SEC23IP: variants seen among roughly 807,000 people sequenced by gnomAD.
The protein encoded by SEC23IP is SEC23-interacting protein.
Under a neutral mutation model 113.4 loss-of-function variants are expected in SEC23IP, and 70 were observed. The ratio of observed to expected loss-of-function variants is 0.62; its 90% CI spans 0.51 to 0.75. The LOEUF (loss-of-function observed/expected upper bound fraction) is 0.75, where lower values mean the gene tolerates loss of function less well. SEC23IP is among the 30% of genes least tolerant of loss of function. The probability of loss-of-function intolerance (pLI) is 0.00; values close to 1 mark genes in which losing one functional copy is unlikely to be tolerated. For missense variants in SEC23IP, 1,160 were observed against 1,204.9 expected (o/e 0.96, Z 0.55); for synonymous variants, 398 against 421.0 (o/e 0.95, Z 0.67).
Position 119,917,867 on chromosome 10 carries a change from G to A in SEC23IP, c.1576G>A (p.Gly526Ser), listed in dbSNP as rs751766476. The A allele has an allele frequency of 9.3e-6, 15 of 1,613,618 alleles. No homozygotes were observed. Among genetic ancestry groups the A allele is most frequent in the Non-Finnish European group, 1.2e-5 (14 of 1,179,874 alleles). ...NIKKITLPSI[G>S]RFRHFTNETL... ...TAAGAAAATCACTTTGCCAAGTATT[G>A]GTCGATTTCGTCACTTTACCAATGA... Residue 526 changes from glycine (G) to serine (S), a missense_variant, in exon 9 of 19, where the codon GGT (glycine) becomes AGT (serine). Transcript: ENST00000369075.
chr10:119,922,789 C>T (rs1033094065), intron 12 of SEC23IP, among the ~76,000 whole-genome samples: 7 of 152,042 alleles, frequency 4.6e-5, no homozygotes, highest in African/African-American at 1.7e-4. Flanking sequence ...TGTGTTGAAT[C>T]GTTCTGTAAT....
chr10:119,932,617 A>G (rs1405410916), intron 16 of SEC23IP, among the ~76,000 whole-genome samples: 1 of 152,198 alleles, frequency 6.6e-6, no homozygotes, highest in Non-Finnish European at 1.5e-5. Context: ...AATTTGTTTT[A>G]GGGTTTGCAT....
At chr10:119,909,335 A>C (rs1238889184) in intron 5 of SEC23IP, among the ~76,000 whole-genome samples, 2 of 152,190 alleles carry the variant, frequency 1.3e-5, no homozygotes, top group Admixed American at 6.5e-5. Flanking sequence ...CAAAAACACA[A>C]ATTTTTCGTA....
In SEC23IP at chr10:119,941,766, G is replaced by A. The variant is rs548076985; in HGVS notation, c.*1201G>A. The A allele has an allele frequency of 9.8e-5, 15 of 152,744 alleles. No individual in the cohort carries two copies. In the South Asian group the frequency reaches 2.9e-3, roughly 30 times the overall value. The allele number at this position is 152,744 out of a possible 1,614,324, so 9.5% of individuals were successfully genotyped here. On this transcript the variant is annotated 3_prime_UTR_variant, in exon 19 of 19. Transcript: ENST00000369075. ...TGTATTTCTCTTGTCTTCCTTAAAA[G>A]TGTCCCCATGAACTCAGTGTTTATT...
At chr10:119,900,781 A>C (rs1854464475) in intron 2 of SEC23IP, among the ~76,000 whole-genome samples, 1 of 152,082 alleles carries the variant, frequency 6.6e-6, no homozygotes, top group African/African-American at 2.4e-5. Flanking sequence ...CTAATTAAAA[A>C]ATTTTAAAAT....
In SEC23IP at chr10:119,942,275, A is replaced by G. The variant is rs1433043118; in HGVS notation, c.*1710A>G. 6.6e-6 allele frequency: 1 copy of G among 152,182 alleles called. No individual in the cohort carries two copies. The highest frequency in any genetic ancestry group is 1.5e-5 in the Non-Finnish European group (1 of 68,034). 9.4% of individuals were successfully genotyped at this position (152,182 alleles called of 1,614,324 possible). A position where few individuals can be genotyped will look rare whatever the true frequency, so the allele number is the denominator to read the frequency against. The stretch of plus-strand genomic sequence containing the variant: ...TGCCCTTTCATTTTAATACTTGAGT[A>G]CACAGAAAATAGAATTTTTGAGTGA... On this transcript the variant is annotated 3_prime_UTR_variant, in exon 19 of 19. Transcript: ENST00000369075.
At position 119,900,659 on chromosome 10, in the gene SEC23IP, C is replaced by G. The variant is rs945761342; in HGVS notation, c.696+1700C>G. ...CCAGGTTGGAATGCAGTGGCGCAAT[C>G]ACAGCTCACCTGCAGTCTCAAACTC... On this transcript the variant is annotated intron_variant, in intron 2 of 18. Coordinates refer to ENST00000369075, the MANE Select transcript of SEC23IP (RefSeq NM_007190.4). Among the ~76,000 whole-genome samples the G allele has an allele frequency of 2.6e-5, 4 of 152,112 alleles. No individual in the cohort carries two copies. In the South Asian group the frequency reaches 8.3e-4, roughly 32 times the overall value.
intron 13 of SEC23IP, among the ~76,000 whole-genome samples, chr10:119,926,906 A>T (rs1345254042): frequency 6.6e-6 from 1 of 152,020 alleles, no homozygotes; most frequent in Non-Finnish European, 1.5e-5. Flanking sequence ...CCCTTTTTGG[A>T]GACAGAGTCT....
chr10:119,904,281 CG>C lies in SEC23IP; in HGVS notation c.1101+7del. 1.2e-6 allele frequency: 2 copies of C among 1,613,032 alleles called. No homozygotes were observed. Among genetic ancestry groups the C allele is most frequent in the African/African-American group, 1.3e-5 (1 of 75,002 alleles). ...GGAGTTCAGTGAAAAACTAGAGGTA[CG>C]GGTGCTTTATTTCTTTATGAGTTTC... On this transcript the variant is annotated splice_donor_5th_base_variant and intron_variant, in intron 4 of 18. Coordinates refer to ENST00000369075, the MANE Select transcript of SEC23IP (RefSeq NM_007190.4).
chr10:119,915,485 C>T (rs1042284867), intron 7 of SEC23IP, among the ~76,000 whole-genome samples: 3 of 152,124 alleles, frequency 2.0e-5, no homozygotes, highest in Non-Finnish European at 2.9e-5. Context: ...CAAGGTGCCA[C>T]GCTACCTCCC....
chr10:119,908,441 ATTT>A (rs1854751316), intron 4 of SEC23IP, among the ~76,000 whole-genome samples: 1 of 152,144 alleles, frequency 6.6e-6, no homozygotes, highest in South Asian at 2.1e-4. Context: ...ATGTGACCTT[ATTT>A]GGAAATAGGG....
chr10:119,895,946 T>C (rs981447504), intron 1 of SEC23IP, among the ~76,000 whole-genome samples: 3 of 152,160 alleles, frequency 2.0e-5, no homozygotes, highest in Admixed American at 6.5e-5. Flanking sequence ...TTGTGGGGTG[T>C]TGGGGAGCCT....
At chr10:119,917,726 T>G (rs1276833680) in intron 8 of SEC23IP, 110 bp from the exon 9 acceptor site, 4 of 727,820 alleles carry the variant, frequency 5.5e-6, no homozygotes, top group Non-Finnish European at 9.0e-6. Flanking sequence ...ACTCATAGTC[T>G]GTGGGGTTTT....
At chr10:119,914,484 T>C in intron 6 of SEC23IP, 1 of 467,118 alleles carries the variant, frequency 2.1e-6, no homozygotes, top group East Asian at 4.1e-5. Context: ...GCTCATCATG[T>C]GCTATTAGCT....
intron 2 of SEC23IP, among the ~76,000 whole-genome samples, chr10:119,900,374 G>A (rs1854439752): frequency 6.6e-6 from 1 of 151,484 alleles, no homozygotes; most frequent in South Asian, 2.1e-4. Context: ...CAGTGGCATG[G>A]TAACGGCTCA....
chr10:119,938,685 A>AAATAATTAAGTT (rs1855871642), intron 18 of SEC23IP, among the ~76,000 whole-genome samples: 1 of 152,212 alleles, frequency 6.6e-6, no homozygotes, highest in African/African-American at 2.4e-5. Flanking sequence ...AGTTCCCCTG[A>AAATAATTAAGTT]CGCTCTCTCC....
chr10:119,920,640 A>C (rs2271124), intron 11 of SEC23IP, among the ~76,000 whole-genome samples: 27,074 of 152,192 alleles, frequency 0.18, 2,606 homozygotes, highest in Non-Finnish European at 0.22. Flanking sequence ...CGTATGCTTG[A>C]CTATAGCTTT....
chr10:119,901,126 G>T (rs536588106), intron 2 of SEC23IP, among the ~76,000 whole-genome samples: 1 of 149,550 alleles, frequency 6.7e-6, no homozygotes. Context: ...CTACACTTCA[G>T]CCTCAGGAGT....
At chr10:119,926,846 T>C (rs1855439865) in intron 13 of SEC23IP, among the ~76,000 whole-genome samples, 1 of 152,206 alleles carries the variant, frequency 6.6e-6, no homozygotes, top group African/African-American at 2.4e-5. Flanking sequence ...GAGGAATATA[T>C]TCTTATGTAA....
Sources: gnomAD v4.1 joint callset for allele counts (sites outside exome capture counted in the v4.1 genomes callset) on GRCh38, gnomAD v4.1.1 for gene constraint, MANE v1.5 for transcripts, NCBI Gene and HGNC (gene_info 2026-07-23, HGNC 2026-07-21) for gene names.